ACTR3C: variants seen among roughly 807,000 people sequenced by gnomAD.
The protein encoded by ACTR3C is actin-related protein 3C.
ACTR3C carries 18 observed loss-of-function variants against 26.3 expected under a neutral mutation model. The observed-to-expected ratio is 0.68, with a 90% CI of 0.47 to 1.01. ACTR3C has a LOEUF of 1.01. Ranked by LOEUF, ACTR3C falls within the 50% of genes least tolerant of loss-of-function variation. ACTR3C has a pLI of 0.00. For synonymous variants in ACTR3C, 55 were observed against 94.5 expected (o/e 0.58, Z 2.42); for missense variants, 184 against 250.7 (o/e 0.73, Z 1.80).
At chr7:149,923,375 A>G in the ACTR3C span, among the ~76,000 whole-genome samples, 1 of 152,186 alleles carries the variant, frequency 6.6e-6, no homozygotes, top group South Asian at 2.1e-4. Flanking sequence ...TATTTTGGGT[A>G]CAGACAATTC....
chr7:150,209,444 T>C, the ACTR3C span, among the ~76,000 whole-genome samples: 3 of 151,420 alleles, frequency 2.0e-5, no homozygotes, highest in Non-Finnish European at 4.4e-5. Context: ...AAAGGTATTT[T>C]ATGTTTTCTT....
the ACTR3C span, among the ~76,000 whole-genome samples, chr7:150,039,750 C>T: frequency 6.9e-6 from 1 of 144,128 alleles, no homozygotes; most frequent in African/African-American, 2.5e-5. Flanking sequence ...GGTGCCTCCC[C>T]CTCCTGCGAT....
chr7:149,985,344 T>G, the ACTR3C span, among the ~76,000 whole-genome samples: 9,926 of 149,202 alleles, frequency 0.067, 1,073 homozygotes, highest in African/African-American at 0.24. Context: ...ATTAACCATT[T>G]GCATAAATCA....
chr7:150,169,744 C>T, the ACTR3C span, among the ~76,000 whole-genome samples: 1 of 150,814 alleles, frequency 6.6e-6, no homozygotes, highest in Middle Eastern at 3.2e-3. Flanking sequence ...TTTTTGACTT[C>T]CTTCTATAGT....
the ACTR3C span, among the ~76,000 whole-genome samples, chr7:150,038,992 TCA>T: frequency 1.3e-5 from 1 of 79,216 alleles, no homozygotes; most frequent in African/African-American, 6.0e-5. Context: ...ATCGGGGTCC[TCA>T]GAGCCGGGGG....
the ACTR3C span, among the ~76,000 whole-genome samples, chr7:150,144,009 G>A: frequency 6.4e-4 from 98 of 152,250 alleles, no homozygotes; most frequent in African/African-American, 2.3e-3. The surrounding 1 kb of genome is among the most constrained non-coding windows in gnomAD (Gnocchi z 4.6). Flanking sequence ...AGCCAAGACT[G>A]GAGAGCTTGC....
chr7:149,939,406 A>G, the ACTR3C span, among the ~76,000 whole-genome samples: 3 of 152,218 alleles, frequency 2.0e-5, no homozygotes, highest in African/African-American at 7.2e-5. Context: ...GGAGAGAGGC[A>G]GGGGACTACT....
At chr7:150,315,278 C>T (rs1318511769) in intron 1 of ACTR3C, among the ~76,000 whole-genome samples, 4 of 151,966 alleles carry the variant, frequency 2.6e-5, no homozygotes, top group Admixed American at 1.3e-4. Context: ...TGAACGTCAT[C>T]GTGATAAACT....
the ACTR3C span, among the ~76,000 whole-genome samples, chr7:149,910,826 G>A: frequency 6.6e-6 from 1 of 151,820 alleles, no homozygotes; most frequent in Non-Finnish European, 1.5e-5. Flanking sequence ...CACGGTGAAT[G>A]GATAAGGTCT....
the ACTR3C span, among the ~76,000 whole-genome samples, chr7:150,071,082 C>T: frequency 6.6e-6 from 1 of 150,792 alleles, no homozygotes; most frequent in Non-Finnish European, 1.5e-5. Context: ...GCGTGAGCCA[C>T]CATGCCCAGC....
the ACTR3C span, among the ~76,000 whole-genome samples, chr7:150,038,074 C>A: frequency 7.1e-6 from 1 of 140,274 alleles, no homozygotes; most frequent in Non-Finnish European, 1.6e-5. Flanking sequence ...GTCCCCACCT[C>A]GCGGGGGGTG....
chr7:150,191,733 A>T, the ACTR3C span, among the ~76,000 whole-genome samples: 1 of 152,180 alleles, frequency 6.6e-6, no homozygotes, highest in African/African-American at 2.4e-5. Context: ...ACCTGTGGTA[A>T]TAAGTAAATA....
chr7:150,282,338 T>C (rs926502670), intron 6 of ACTR3C, among the ~76,000 whole-genome samples: 10 of 152,188 alleles, frequency 6.6e-5, no homozygotes, highest in African/African-American at 2.4e-4. Context: ...AAACCTTTGC[T>C]GCTAAACACT....
At chr7:150,101,852 A>T in the ACTR3C span, among the ~76,000 whole-genome samples, 5 of 151,782 alleles carry the variant, frequency 3.3e-5, no homozygotes, top group South Asian at 1.0e-3. Context: ...CTGGGGTGTA[A>T]TGAAAATTGG....
the ACTR3C span, among the ~76,000 whole-genome samples, chr7:149,945,432 G>A: frequency 9.9e-5 from 15 of 152,276 alleles, no homozygotes; most frequent in Non-Finnish European, 2.1e-4. Flanking sequence ...TGTGTGAACC[G>A]TGTCGAGACC....
the ACTR3C span, among the ~76,000 whole-genome samples, chr7:149,926,132 T>C: frequency 2.0e-3 from 301 of 151,694 alleles, 12 homozygotes; most frequent in African/African-American, 7.0e-3. Context: ...ACCTTTCTTA[T>C]GACTCAAAAT....
At chr7:150,275,293 G>A (rs540298646) in intron 6 of ACTR3C, among the ~76,000 whole-genome samples, 4 of 152,288 alleles carry the variant, frequency 2.6e-5, no homozygotes, top group Non-Finnish European at 5.9e-5. Flanking sequence ...AATTTCAGTC[G>A]CTTAAGAAAG....
the ACTR3C span, among the ~76,000 whole-genome samples, chr7:150,130,818 T>C: frequency 6.6e-6 from 1 of 152,180 alleles, no homozygotes; most frequent in Non-Finnish European, 1.5e-5. Context: ...ATTGAACCAC[T>C]GATAAGCATG....
intron 1 of ACTR3C, among the ~76,000 whole-genome samples, chr7:150,304,379 A>G (rs1795649074): frequency 6.6e-6 from 1 of 152,166 alleles, no homozygotes; most frequent in African/African-American, 2.4e-5. Context: ...CTTTACCTAG[A>G]GATTTCAAGA....
Sources: allele counts gnomAD v4.1 joint callset (sites outside exome capture counted in the v4.1 genomes callset), GRCh38; gene constraint gnomAD v4.1.1; non-coding constraint Gnocchi (gnomAD v3.1); transcripts MANE v1.5; gene names NCBI Gene and HGNC (gene_info 2026-07-23, HGNC 2026-07-21).